DIAPH1: variants seen among roughly 807,000 people sequenced by gnomAD.
DIAPH1 encodes the protein diaphanous related formin 1.
A neutral mutation model predicts 140.7 loss-of-function variants in DIAPH1; 46 were observed. The observed-to-expected ratio is 0.33, with a 90% CI of 0.26 to 0.42. The LOEUF (loss-of-function observed/expected upper bound fraction) is 0.42. Among genes scored for constraint, DIAPH1 ranks in the 10% least tolerant of loss-of-function variants. The pLI, the probability that DIAPH1 is intolerant of heterozygous loss-of-function variation, is 1.00. For missense variants in DIAPH1, 1,310 were observed against 1,558.7 expected (o/e 0.84, Z 2.69); for synonymous variants, 565 against 551.6 (o/e 1.02, Z -0.34).
At chr5:141,587,502 C>A in intron 2 of DIAPH1, 1 of 389,116 alleles carries the variant, frequency 2.6e-6, no homozygotes, top group Non-Finnish European at 4.8e-6. Context: ...TGTAGTAGTA[C>A]GGAACTGAAA....
At chr5:141,590,102 T>G (rs998900826) in intron 1 of DIAPH1, among the ~76,000 whole-genome samples, 1 of 152,164 alleles carries the variant, frequency 6.6e-6, no homozygotes, top group Non-Finnish European at 1.5e-5. Context: ...CTGGTTCCAT[T>G]TCTGCCACAA....
chr5:141,597,606 G>C lies in DIAPH1; in HGVS notation c.118-9356C>G, dbSNP rs547700395. Among the ~76,000 whole-genome samples, 24 of 152,220 alleles carry C rather than the reference G, an allele frequency of 1.6e-4. No individual in the cohort carries two copies. In the South Asian group the frequency reaches 4.8e-3, roughly 30 times the overall value. ...TGAGGAAATTGAAGGAAATCCCGGG[G>C]ATAAAGGTTCCAGGATGACTGTATG... is the stretch of plus-strand genomic sequence containing the variant. On this transcript the variant is annotated intron_variant, in intron 1 of 27. Transcript: ENST00000389054.
At chr5:141,522,578 CA>C (rs5871776) in intron 27 of DIAPH1, among the ~76,000 whole-genome samples, 7,564 of 88,990 alleles carry the variant, frequency 0.085, 132 homozygotes, top group Middle Eastern at 0.15. Flanking sequence ...CCGACGGGGT[CA>C]AAAAAAAAAA....
intron 26 of DIAPH1, among the ~76,000 whole-genome samples, chr5:141,525,005 T>C (rs1420407192): frequency 6.6e-6 from 1 of 152,202 alleles, no homozygotes; most frequent in East Asian, 1.9e-4. Flanking sequence ...GTTGACCGTG[T>C]GCAGCCCTCA....
chr5:141,547,662 A>G (rs1476462423), intron 18 of DIAPH1, among the ~76,000 whole-genome samples: 1 of 152,164 alleles, frequency 6.6e-6, no homozygotes, highest in African/African-American at 2.4e-5. Context: ...AATGTAATGG[A>G]CAAGTGAGAC....
At chr5:141,546,346 AAAAC>A (rs1056426107) in intron 18 of DIAPH1, among the ~76,000 whole-genome samples, 33 of 152,172 alleles carry the variant, frequency 2.2e-4, no homozygotes, top group East Asian at 9.7e-4. Flanking sequence ...TCCGTCTCAA[AAAAC>A]AAACAAACAA....
chr5:141,554,719 G>C (rs1308754650), intron 18 of DIAPH1, among the ~76,000 whole-genome samples: 2 of 152,128 alleles, frequency 1.3e-5, no homozygotes, highest in East Asian at 3.8e-4. Flanking sequence ...AGTTAGATTT[G>C]TTTTAGGAAT....
At chr5:141,560,999 TCTC>T (rs2099893448) in intron 18 of DIAPH1, 3 of 450,740 alleles carry the variant, frequency 6.7e-6, no homozygotes, top group Admixed American at 2.4e-5. Flanking sequence ...CACCTGATCT[TCTC>T]CTCCAATCCC....
chr5:141,618,874 G>C lies in DIAPH1; in HGVS notation c.41C>G (p.Thr14Ser). Residue 14 changes from threonine to serine, a missense_variant, in exon 1 of 28, where the codon ACC becomes AGC. Coordinates refer to ENST00000389054, the MANE Select transcript of DIAPH1 (RefSeq NM_005219.5). The part of the protein sequence containing the change: ...PGGSLGPGRG[T>S]RDKKKGRSPD... ...GCTCCGGCCCTTCTTCTTGTCCCGG[G>C]TCCCGCGGCCGGGCCCCAGGCTCCC... 6.6e-7 allele frequency: 1 copy of C among 1,522,732 alleles called. No homozygotes were observed. Among genetic ancestry groups the C allele is most frequent in the Non-Finnish European group, 8.8e-7 (1 of 1,135,054 alleles). The allele number at this position is 1,522,732 out of a possible 1,614,324, so 94.3% of individuals were successfully genotyped here.
chr5:141,588,383 A>C, intron 1 of DIAPH1, 133 bp from the exon 2 acceptor site: 1 of 721,140 alleles, frequency 1.4e-6, no homozygotes, highest in Non-Finnish European at 2.5e-6. Context: ...TCTGCAAGCT[A>C]ATGATTTCTG....
At chr5:141,541,701 G>A (rs76338428) in intron 18 of DIAPH1, among the ~76,000 whole-genome samples, 14 of 136,316 alleles carry the variant, frequency 1.0e-4, no homozygotes, top group Admixed American at 1.5e-4. Context: ...AAAAAAAAAA[G>A]AAAGAAAAAG....
intron 18 of DIAPH1, among the ~76,000 whole-genome samples, chr5:141,537,267 T>C (rs1444447149): frequency 1.3e-5 from 2 of 152,052 alleles, no homozygotes; most frequent in African/African-American, 4.8e-5. Flanking sequence ...GCGGATCACC[T>C]GAAGTCGGGA....
chr5:141,540,925 T>A (rs2154595359), intron 18 of DIAPH1, among the ~76,000 whole-genome samples: 1 of 152,172 alleles, frequency 6.6e-6, no homozygotes, highest in South Asian at 2.1e-4. Flanking sequence ...CCTGGTGTGG[T>A]GGCACTCGCC....
At position 141,579,591 on chromosome 5, in the gene DIAPH1, G is replaced by A. The variant is rs186485913; in HGVS notation, c.825-395C>T. ...TGTGAAAGAAGATATGCACAAGGAT[G>A]TTCACTGCAGTATCATTTGTAAAAA... is the stretch of plus-strand genomic sequence containing the variant. On this transcript the variant is annotated intron_variant, in intron 8 of 27. Coordinates refer to ENST00000389054, the MANE Select transcript of DIAPH1 (RefSeq NM_005219.5). Among the ~76,000 whole-genome samples the A allele has an allele frequency of 9.8e-5, 15 of 152,286 alleles. No homozygotes were observed. In the East Asian group the frequency reaches 2.9e-3, roughly 29 times the overall value.
At chr5:141,539,420 TTTTTTTTTTG>T (rs1390235922) in intron 18 of DIAPH1, among the ~76,000 whole-genome samples, 1 of 135,750 alleles carries the variant, frequency 7.4e-6, no homozygotes, top group Non-Finnish European at 1.6e-5. Flanking sequence ...GTAGTTTTGT[TTTTTTTTTTG>T]TTTTTTTTTT....
chr5:141,575,014 T>C lies in DIAPH1; in HGVS notation c.1594A>G (p.Thr532Ala), dbSNP rs747462106. Residue 532 changes from threonine to alanine, a missense_variant, in exon 15 of 28, where the codon ACA (threonine) becomes GCA (alanine). Thr to Ala is a moderately conservative substitution (Grantham distance 58). Around this residue, in one of 3 missense-constraint regions of DIAPH1, gnomAD observed 589 missense variants for 549.3 expected, o/e 1.07. Coordinates refer to ENST00000389054, the MANE Select transcript of DIAPH1 (RefSeq NM_005219.5). ...ALHSEKQQIA[T>A]EKQDLEAEVS... ...TCTGCTTCCAGGTCCTGTTTCTCTG[T>C]GGCAATTTGCTGCTTTTCAGAATGC... 1.2e-6 allele frequency: 2 copies of C among 1,614,220 alleles called. No individual in the cohort carries two copies. Among genetic ancestry groups the C allele is most frequent in the Non-Finnish European group, 8.5e-7 (1 of 1,180,038 alleles).
At chr5:141,546,253 A>AGG (rs1440965352) in intron 18 of DIAPH1, among the ~76,000 whole-genome samples, 1 of 152,048 alleles carries the variant, frequency 6.6e-6, no homozygotes, top group African/African-American at 2.4e-5. Context: ...ATGGTGGCGC[A>AGG]TGCCTGTAAT....
In DIAPH1 at chr5:141,615,470, G is replaced by A. The variant is rs1360855751; in HGVS notation, c.117+3328C>T. On this transcript the variant is annotated intron_variant, in intron 1 of 27. Transcript: ENST00000389054. ...AAAAAAAAAAAAAAGGGCCGCACGC[G>A]GTGGCTCACGCCTGTAATCCCAGCA... is the stretch of plus-strand genomic sequence containing the variant. Among the ~76,000 whole-genome samples, 10 of 150,282 alleles carry A rather than the reference G, an allele frequency of 6.7e-5. No homozygotes were observed. In the East Asian group the frequency reaches 1.6e-3, roughly 24 times the overall value.
At chr5:141,618,734 C>A (rs1430953452) in intron 1 of DIAPH1, 64 bp downstream of exon 1, 3 of 1,231,762 alleles carry the variant, frequency 2.4e-6, no homozygotes, top group Admixed American at 2.1e-5. Context: ...CCCCAGGGGC[C>A]GGCTGCAGGG....
Sources: allele counts gnomAD v4.1 joint callset (sites outside exome capture counted in the v4.1 genomes callset), GRCh38; gene constraint gnomAD v4.1.1; regional missense constraint gnomAD v4.1.1; transcripts MANE v1.5; gene names NCBI Gene and HGNC (gene_info 2026-07-23, HGNC 2026-07-21).